The following FCHSD2 variants were observed in gnomAD, a reference collection of about 807,000 sequenced individuals.
FCHSD2 encodes F-BAR and double SH3 domains protein 2.
A neutral mutation model predicts 108.1 loss-of-function variants in FCHSD2; 38 were observed. That is an observed-to-expected ratio of 0.35 (90% CI 0.27 to 0.46). The LOEUF (loss-of-function observed/expected upper bound fraction) is 0.46, where lower values mean the gene tolerates loss of function less well. FCHSD2 is among the 20% of genes least tolerant of loss of function. The probability of loss-of-function intolerance (pLI) is 1.00; values close to 1 mark genes in which losing one functional copy is unlikely to be tolerated. For missense variants in FCHSD2, 751 were observed against 897.8 expected, an observed-to-expected ratio of 0.84 and a Z score of 2.09; for synonymous variants, 279 against 314.7, an observed-to-expected ratio of 0.89 and a Z score of 1.20.
intron 11 of FCHSD2, among the ~76,000 whole-genome samples, chr11:72,889,427 A>T (rs1855267963): frequency 6.6e-6 from 1 of 152,220 alleles, no homozygotes; most frequent in South Asian, 2.1e-4. Context: ...AAATTCCAAC[A>T]TGAGTAGATA....
At chr11:72,909,180 G>A (rs1420961408) in intron 9 of FCHSD2, among the ~76,000 whole-genome samples, 2 of 152,020 alleles carry the variant, frequency 1.3e-5, no homozygotes, top group African/African-American at 2.4e-5. Context: ...GGGATTGCAG[G>A]CACACGCCGC....
Position 72,916,964 on chromosome 11 carries a change from CATTCTTTTTTTTTTTTTTTTT to C in FCHSD2, c.828+4843_828+4863del, listed in dbSNP as rs1192431441. 1.9e-4 allele frequency among the ~76,000 whole-genome samples: 25 copies of C among 129,876 alleles called. No homozygotes were observed. The Middle Eastern group carries it at 0.012, about 64-fold the overall frequency. The allele number at this position is 129,876 out of a possible 152,430, so 85.2% of individuals were successfully genotyped here. The stretch of plus-strand genomic sequence containing the variant: ...AAGGGTTCACAACTTCATTGAACTT[CATTCTTTTTTTTTTTTTTTTT>C]TTTTTTTTTTTTTTTTTGAAGCAGA... On this transcript the variant is annotated intron_variant, in intron 9 of 19. Coordinates refer to ENST00000409418, the MANE Select transcript of FCHSD2 (RefSeq NM_014824.3).
chr11:72,924,283 C>G (rs1856031867), intron 8 of FCHSD2, among the ~76,000 whole-genome samples: 1 of 151,860 alleles, frequency 6.6e-6, no homozygotes, highest in Non-Finnish European at 1.5e-5. Flanking sequence ...AGCTATTTTT[C>G]TTTCTTTTTT....
intron 9 of FCHSD2, among the ~76,000 whole-genome samples, chr11:72,915,322 G>A (rs577040188): frequency 1.1e-3 from 169 of 152,252 alleles, no homozygotes; most frequent in Non-Finnish European, 1.7e-3. Flanking sequence ...TTCAACCATC[G>A]TGGAAGACAG....
chr11:72,945,522 T>A (rs988722335), intron 8 of FCHSD2, among the ~76,000 whole-genome samples: 1 of 152,096 alleles, frequency 6.6e-6, no homozygotes, highest in Non-Finnish European at 1.5e-5. Context: ...CCAAAAGCAA[T>A]GGCAACAAAA....
chr11:73,044,673 A>G (rs1310492367), intron 3 of FCHSD2, among the ~76,000 whole-genome samples: 2 of 152,206 alleles, frequency 1.3e-5, no homozygotes, highest in African/African-American at 4.8e-5. Flanking sequence ...TGCTAGATAC[A>G]ACATTAAAAT....
intron 9 of FCHSD2, among the ~76,000 whole-genome samples, chr11:72,909,448 A>G (rs1855704470): frequency 6.6e-6 from 1 of 152,086 alleles, no homozygotes; most frequent in African/African-American, 2.4e-5. Context: ...GCCTCTGCCC[A>G]GCCGCCACCC....
At chr11:72,939,565 G>C (rs1364173137) in intron 8 of FCHSD2, among the ~76,000 whole-genome samples, 2 of 148,792 alleles carry the variant, frequency 1.3e-5, no homozygotes, top group Admixed American at 1.3e-4. Context: ...AAATTCTCTG[G>C]CTTATAGGAA....
At chr11:72,970,347 T>C (rs186802032) in intron 8 of FCHSD2, among the ~76,000 whole-genome samples, 2 of 152,288 alleles carry the variant, frequency 1.3e-5, no homozygotes, top group Admixed American at 6.5e-5. Flanking sequence ...ACAATTCTAA[T>C]GTATGAAAAT....
At chr11:73,137,837 A>G (rs1861159246) in intron 2 of FCHSD2, among the ~76,000 whole-genome samples, 1 of 152,370 alleles carries the variant, frequency 6.6e-6, no homozygotes, top group Admixed American at 6.5e-5. Flanking sequence ...CATGGGCATG[A>G]AACGGTAGTA....
chr11:72,934,655 A>G, intron 8 of FCHSD2, among the ~76,000 whole-genome samples: 1 of 152,200 alleles, frequency 6.6e-6, no homozygotes, highest in East Asian at 1.9e-4. Flanking sequence ...AATCAATGAT[A>G]GAATTCACTT....
chr11:73,097,191 A>G (rs1419377114), intron 2 of FCHSD2, among the ~76,000 whole-genome samples: 1 of 150,600 alleles, frequency 6.6e-6, no homozygotes, highest in Non-Finnish European at 1.5e-5. Context: ...TTTCGTAGAG[A>G]TGGGGTTTCA....
At chr11:72,948,814 C>T (rs1856568701) in intron 8 of FCHSD2, among the ~76,000 whole-genome samples, 2 of 151,986 alleles carry the variant, frequency 1.3e-5, no homozygotes, top group Middle Eastern at 3.4e-3. Context: ...TACAGGTGCC[C>T]GCCACTACGC....
At chr11:73,089,915 C>T (rs1018519490) in intron 2 of FCHSD2, among the ~76,000 whole-genome samples, 7 of 151,916 alleles carry the variant, frequency 4.6e-5, no homozygotes, top group Middle Eastern at 3.4e-3. Flanking sequence ...TTTTAAAAAG[C>T]CTACCCTTAC....
intron 14 of FCHSD2, among the ~76,000 whole-genome samples, chr11:72,845,814 G>C (rs1335185122): frequency 1.3e-5 from 2 of 152,152 alleles, no homozygotes; most frequent in Admixed American, 6.5e-5. Flanking sequence ...TCCAGCTTCA[G>C]TATATTTTTA....
intron 2 of FCHSD2, among the ~76,000 whole-genome samples, chr11:73,110,001 A>T (rs1860443602): frequency 6.6e-6 from 1 of 152,176 alleles, no homozygotes. Context: ...ACTGATTTGC[A>T]TATGTTGAAC....
chr11:73,041,613 G>C (rs1039090400), intron 3 of FCHSD2, among the ~76,000 whole-genome samples: 1 of 152,006 alleles, frequency 6.6e-6, no homozygotes, highest in Non-Finnish European at 1.5e-5. Context: ...GTTTGCTACT[G>C]AGTTGAGTTT....
At chr11:73,131,607 G>A (rs1052630341) in intron 2 of FCHSD2, among the ~76,000 whole-genome samples, 4 of 151,842 alleles carry the variant, frequency 2.6e-5, no homozygotes, top group African/African-American at 9.7e-5. Context: ...GGGAGGCTGA[G>A]GCACAAGGAT....
intron 3 of FCHSD2, among the ~76,000 whole-genome samples, chr11:73,068,372 A>G (rs891432676): frequency 2.6e-5 from 4 of 151,490 alleles, no homozygotes; most frequent in Non-Finnish European, 5.9e-5. Flanking sequence ...GGGGGGGCGG[A>G]GAGAGAGCAT....
Sources: allele counts gnomAD v4.1 joint callset (sites outside exome capture counted in the v4.1 genomes callset), GRCh38; gene constraint gnomAD v4.1.1; transcripts MANE v1.5; gene names NCBI Gene and HGNC (gene_info 2026-07-23, HGNC 2026-07-21).